MICA: variants seen among roughly 807,000 people sequenced by gnomAD.
The protein encoded by MICA is HLA class I antigen.
A neutral mutation model predicts 34.3 loss-of-function variants in MICA; 18 were observed. That is an observed-to-expected ratio of 0.52 (90% confidence interval 0.36 to 0.78). The LOEUF (loss-of-function observed/expected upper bound fraction) is 0.78, where lower values mean the gene tolerates loss of function less well. Ranked by LOEUF, MICA falls within the 30% of genes least tolerant of loss-of-function variation. The pLI, the probability that MICA is intolerant of heterozygous loss-of-function variation, is 0.00. For synonymous variants in MICA, 135 were observed against 156.9 expected (o/e 0.86, Z 1.04); for missense variants, 333 against 409.4 (o/e 0.81, Z 1.61).
intron 5 of MICA, among the ~76,000 whole-genome samples, chr6:31,414,250 C>T (rs1441374567): frequency 4.6e-5 from 7 of 151,878 alleles, no homozygotes; most frequent in Non-Finnish European, 1.5e-5. Flanking sequence ...GGGCAGTGGC[C>T]GGGTGGAATC....
In MICA at chr6:31,410,810, A is replaced by G; in HGVS notation, c.325+13A>G. The G allele has an allele frequency of 6.4e-7, 1 of 1,552,184 alleles. No individual in the cohort carries two copies. Among genetic ancestry groups the G allele is most frequent in the South Asian group, 1.2e-5 (1 of 84,448 alleles). On this transcript the variant is annotated intron_variant, in intron 2 of 5. Transcript: ENST00000449934. Reference sequence around the variant, plus strand: ...GACCAGAAAGAAGGTGAGAGTCGGCAGGGGCAAGAGTGACTGGAGAGGCCT... The same window carrying G: ...GACCAGAAAGAAGGTGAGAGTCGGCGGGGGCAAGAGTGACTGGAGAGGCCT...
upstream of MICA, among the ~76,000 whole-genome samples, chr6:31,402,797 A>T (rs948290707): frequency 6.7e-6 from 1 of 150,356 alleles, no homozygotes; most frequent in Non-Finnish European, 1.5e-5. Flanking sequence ...GGAGGGGACT[A>T]TGGTCGGAGG....
intron 5 of MICA, 142 bp downstream of exon 5, chr6:31,412,602 T>TAC: frequency 1.5e-6 from 1 of 651,624 alleles, no homozygotes; most frequent in Non-Finnish European, 2.7e-6. Context: ...GGGAAGGGAA[T>TAC]GGGGGCAGCA....
At chr6:31,404,326 C>T (rs1480786215) in intron 1 of MICA, among the ~76,000 whole-genome samples, 1 of 151,616 alleles carries the variant, frequency 6.6e-6, no homozygotes, top group Non-Finnish European at 1.5e-5. Context: ...TCATTCTCCC[C>T]TCGCCTCTGG....
Position 31,409,307 on chromosome 6 carries a change from C to CTGTGTGTGTGTGTG in MICA, c.71-1235_71-1234insGTGTGTGTGTGTGT, listed in dbSNP as rs1491397090. ...TTTCTCTGTCTCTTTGCCAACCTTG[C>CTGTGTGTGTGTGTG]TCTGTGTGTGTGTGTATGTGTGTGT... On this transcript the variant is annotated intron_variant, in intron 1 of 5. Coordinates refer to ENST00000449934, the MANE Select transcript of MICA (RefSeq NM_001177519.3). Among the ~76,000 whole-genome samples the CTGTGTGTGTGTGTG allele has an allele frequency of 5.7e-4, 63 of 110,086 alleles. 1 individual carries two copies. The highest frequency in any genetic ancestry group is 1.9e-3 in the African/African-American group (61 of 32,110). 72.2% of individuals were successfully genotyped at this position (110,086 alleles called of 152,430 possible).
chr6:31,402,463 T>C (rs1770483152), upstream of MICA, among the ~76,000 whole-genome samples: 1 of 151,846 alleles, frequency 6.6e-6, no homozygotes, highest in South Asian at 2.1e-4. Context: ...TTTTCCACGG[T>C]AGAGTAGAAG....
chr6:31,408,345 A>G (rs1770858053), intron 1 of MICA, among the ~76,000 whole-genome samples: 1 of 151,890 alleles, frequency 6.6e-6, no homozygotes, highest in African/African-American at 2.4e-5. Flanking sequence ...TTGTATCAGG[A>G]TATTCCTGGC....
rs925307207 is a variant in MICA at position 31,411,380 on chromosome 6, C to T, written c.613+21C>T. 1.3e-6 allele frequency: 2 copies of T among 1,537,998 alleles called. No individual in the cohort carries two copies. The highest frequency in any genetic ancestry group is 4.0e-5 in the Admixed American group (2 of 49,596). On this transcript the variant is annotated intron_variant, in intron 3 of 5. Transcript: ENST00000449934. This position sits in a 1 kb window ranked among gnomAD's most constrained non-coding sequence, Gnocchi z 4.3. ...AACAGGTACCGACGCTGGCCAGGGG[C>T]TCTCCTCTCCCTCCAATTCTGCTAG...
chr6:31,412,441 A>G lies in MICA; in HGVS notation c.*10A>G, dbSNP rs1248877371. ...ATGTCCGTTGTTGTAAGAAGAAAAC[A>G]TCAGCTGCAGAGGGTCCAGGTGAGA... On this transcript the variant is annotated 3_prime_UTR_variant, in exon 5 of 6. Transcript: ENST00000449934. 6.4e-7 allele frequency: 1 copy of G among 1,571,436 alleles called. No individual in the cohort carries two copies. Among genetic ancestry groups the G allele is most frequent in the Admixed American group, 1.9e-5 (1 of 52,522 alleles).
At chr6:31,404,582 G>C (rs572911185) in intron 1 of MICA, among the ~76,000 whole-genome samples, 36 of 151,854 alleles carry the variant, frequency 2.4e-4, no homozygotes, top group Non-Finnish European at 4.4e-4. Context: ...TTTCCTACAA[G>C]CAGCCTTCAC....
chr6:31,405,040 G>A (rs958122735), intron 1 of MICA, among the ~76,000 whole-genome samples: 1 of 148,998 alleles, frequency 6.7e-6, no homozygotes, highest in Non-Finnish European at 1.5e-5. Context: ...TCTTTCCCAA[G>A]CCCCACCCTC....
In MICA at chr6:31,411,870, T is replaced by C. The variant is rs1449951004; in HGVS notation, c.614-77T>C. On this transcript the variant is annotated intron_variant, in intron 3 of 5. Transcript: ENST00000449934. The surrounding 1 kb of genome is among the most constrained non-coding windows in gnomAD (Gnocchi z 4.3). ...AGGGCTTCAGCCAGAGTGAGAACAG[T>C]GAAGAGAAACAGCCCTGTTCCTCTC... 2 of 1,535,852 alleles carry C rather than the reference T, an allele frequency of 1.3e-6. No individual in the cohort carries two copies. The highest frequency in any genetic ancestry group is 2.1e-5 in the Admixed American group (1 of 48,466).
chr6:31,409,946 C>A (rs1225856778), intron 1 of MICA, among the ~76,000 whole-genome samples: 1 of 142,010 alleles, frequency 7.0e-6, no homozygotes, highest in Non-Finnish European at 1.5e-5. Flanking sequence ...TCATGCTACT[C>A]TTCCACTTTG....
At chr6:31,410,474 C>G in intron 1 of MICA, 69 bp from the exon 2 acceptor site, 1 of 1,570,934 alleles carries the variant, frequency 6.4e-7, no homozygotes, top group Non-Finnish European at 8.6e-7. Context: ...GACAGCAGAC[C>G]TGTGTGTTAA....
At chr6:31,409,309 C>CTGTGTATGTGTGTGTGTGTGTGTGTGTG (rs1770936155) in intron 1 of MICA, among the ~76,000 whole-genome samples, 1 of 149,594 alleles carries the variant, frequency 6.7e-6, no homozygotes. Flanking sequence ...CAACCTTGCT[C>CTGTGTATGTGTGTGTGTGTGTGTGTGTG]TGTGTGTGTG....
rs537890529 is a variant in MICA at position 31,410,749 on chromosome 6, G to A, written c.277G>A (p.Gly93Arg). 46 of 1,593,980 alleles carry A rather than the reference G, an allele frequency of 2.9e-5. No individual in the cohort carries two copies. The South Asian group carries it at 3.3e-4, about 11-fold the overall frequency. ...DRETRDLTGN[G>R]KDLRMTLAHI... ...AGAGACCAGGGACTTGACAGGGAAC[G>A]GAAAGGACCTCAGGATGACCCTGGC... Residue 93 changes from glycine (G) to arginine (R), a missense_variant, in exon 2 of 6, where the codon GGA becomes AGA. Gly to Arg is a moderately radical substitution (Grantham distance 125). Transcript: ENST00000449934.
Position 31,403,822 on chromosome 6 carries a change from G to A in MICA, c.70+120G>A. The stretch of plus-strand genomic sequence containing the variant: ...GGGGCTCCTGTGCCCTGTCGGTGGC[G>A]CAGGGAGCTGGACGCGGCCCGTTAC... On this transcript the variant is annotated intron_variant, in intron 1 of 5. Transcript: ENST00000449934. This position sits in a 1 kb window ranked among gnomAD's most constrained non-coding sequence, Gnocchi z 4.7. The A allele has an allele frequency of 6.7e-6, 6 of 895,558 alleles. No individual in the cohort carries two copies. The highest frequency in any genetic ancestry group is 3.3e-5 in the Admixed American group (1 of 30,624). 55.5% of individuals were successfully genotyped at this position (895,558 alleles called of 1,614,324 possible). A position where few individuals can be genotyped will look rare whatever the true frequency, so the allele number is the denominator to read the frequency against.
In MICA at chr6:31,415,212, G is replaced by T; in HGVS notation, c.*230G>T. The T allele has an allele frequency of 1.4e-6, 1 of 703,186 alleles. No individual in the cohort carries two copies. The highest frequency in any genetic ancestry group is 2.6e-6 in the Non-Finnish European group (1 of 390,558). The allele number at this position is 703,186 out of a possible 1,614,324, so 43.6% of individuals were successfully genotyped here. On this transcript the variant is annotated 3_prime_UTR_variant, in exon 6 of 6. Coordinates refer to ENST00000449934, the MANE Select transcript of MICA (RefSeq NM_001177519.3). The stretch of plus-strand genomic sequence containing the variant: ...AAGCACTTTCCCTCTTGGTGCCTCA[G>T]TTTCCTGACCTATGAAACAGAGAAA...
chr6:31,410,916 G>A (rs1771096319), intron 2 of MICA, 119 bp downstream of exon 2: 2 of 1,471,036 alleles, frequency 1.4e-6, no homozygotes, highest in Non-Finnish European at 1.8e-6. Context: ...GAGGAATGGG[G>A]GTCAGTGGAA....
Sources: allele counts gnomAD v4.1 joint callset (sites outside exome capture counted in the v4.1 genomes callset), GRCh38; gene constraint gnomAD v4.1.1; non-coding constraint Gnocchi (gnomAD v3.1); transcripts MANE v1.5; gene names NCBI Gene and HGNC (gene_info 2026-07-23, HGNC 2026-07-21).